MDGA2: variants seen among roughly 807,000 people sequenced by gnomAD.
MDGA2 encodes MAM domain containing glycosylphosphatidylinositol anchor 2.
Under a neutral mutation model 117.8 loss-of-function variants are expected in MDGA2, and 40 were observed. That is an observed-to-expected ratio of 0.34 (90% CI 0.26 to 0.44). The LOEUF is 0.44. Among genes scored for constraint, MDGA2 ranks in the 20% least tolerant of loss-of-function variants. The pLI is 1.00. For synonymous variants in MDGA2, 452 were observed against 439.0 expected (o/e 1.03, Z -0.37); for missense variants, 1,123 against 1,250.6 (o/e 0.90, Z 1.54).
chr14:46,980,465 G>T (rs1886628702), intron 8 of MDGA2, among the ~76,000 whole-genome samples: 1 of 152,124 alleles, frequency 6.6e-6, no homozygotes, highest in Non-Finnish European at 1.5e-5. Context: ...TTACCACGAA[G>T]GATTTAGAAC....
chr14:47,518,075 A>C (rs1894792211), intron 1 of MDGA2, among the ~76,000 whole-genome samples: 1 of 152,124 alleles, frequency 6.6e-6, no homozygotes, highest in Non-Finnish European at 1.5e-5. Flanking sequence ...CTGGAGCAGT[A>C]AAGAGTGAAG....
chr14:47,000,372 TATATTTATATATATATATTTATATATAA>T (rs1185397440), intron 8 of MDGA2, among the ~76,000 whole-genome samples: 27 of 90,316 alleles, frequency 3.0e-4, no homozygotes, highest in African/African-American at 1.3e-3. Flanking sequence ...TATGTATATA[TATATTTATATATATATATTTATATATAA>T]ATATATATTT....
Position 46,938,288 on chromosome 14 carries a change from C to T in MDGA2, c.2090-18128G>A, listed in dbSNP as rs150184912. Among the ~76,000 whole-genome samples the T allele has an allele frequency of 5.3e-3, 805 of 151,926 alleles. 13 individuals carry two copies. The highest frequency in any genetic ancestry group is 0.019 in the African/African-American group (780 of 41,452). On this transcript the variant is annotated intron_variant, in intron 9 of 16. Transcript: ENST00000399232. ...GCATGGTGGCTCATGCCTGTAATCCCAGCACTTTGGGAGGCCTAGGTGGGT... is the reference window on the plus strand; with the variant it reads ...GCATGGTGGCTCATGCCTGTAATCCTAGCACTTTGGGAGGCCTAGGTGGGT...
chr14:46,994,241 C>A (rs1481638510), intron 8 of MDGA2, among the ~76,000 whole-genome samples: 1 of 152,136 alleles, frequency 6.6e-6, no homozygotes, highest in Non-Finnish European at 1.5e-5. Flanking sequence ...CGGAACCCTA[C>A]CAAGCTCTGC....
At chr14:47,420,835 A>AATG (rs1457428960) in intron 1 of MDGA2, among the ~76,000 whole-genome samples, 2 of 151,710 alleles carry the variant, frequency 1.3e-5, no homozygotes, top group African/African-American at 4.8e-5. Context: ...GTAAGTTAAT[A>AATG]ATAATAATAA....
intron 2 of MDGA2, among the ~76,000 whole-genome samples, chr14:47,277,123 T>G (rs78837181): frequency 6.6e-6 from 1 of 152,146 alleles, no homozygotes; most frequent in African/African-American, 2.4e-5. Flanking sequence ...ATTCTCTCAG[T>G]GCCTTTGCCT....
rs575902151 is a variant in MDGA2, at chr14:47,656,893, C to T, written c.280+17624G>A. 3.3e-5 allele frequency among the ~76,000 whole-genome samples: 5 copies of T among 152,264 alleles called. No homozygotes were observed. In the East Asian group the frequency reaches 9.7e-4, roughly 29 times the overall value. ...TTTCAACCTGGGTGGACCTTTGTCTCTGCCTCAAACTATAGAGCGTCACGG... is the reference window on the plus strand; with the variant it reads ...TTTCAACCTGGGTGGACCTTTGTCTTTGCCTCAAACTATAGAGCGTCACGG... On this transcript the variant is annotated intron_variant, in intron 1 of 16. Coordinates refer to ENST00000399232, the MANE Select transcript of MDGA2 (RefSeq NM_001113498.3).
intron 5 of MDGA2, 24 bp from the exon 6 acceptor site, chr14:47,097,147 G>A (rs752461721): frequency 2.0e-5 from 32 of 1,603,518 alleles, no homozygotes; most frequent in Admixed American, 5.0e-5. Flanking sequence ...ACAGAAGAAC[G>A]TGCACCTATT....
At chr14:47,513,700 G>A (rs1894692018) in intron 1 of MDGA2, among the ~76,000 whole-genome samples, 1 of 152,036 alleles carries the variant, frequency 6.6e-6, no homozygotes, top group Admixed American at 6.6e-5. Context: ...GATAGCTGGA[G>A]AGTGAAATTT....
intron 8 of MDGA2, among the ~76,000 whole-genome samples, chr14:46,975,049 A>G (rs1418706473): frequency 1.3e-5 from 2 of 152,150 alleles, no homozygotes; most frequent in East Asian, 1.9e-4. Flanking sequence ...ACTTGAACAG[A>G]TATTTCTCCA....
At chr14:47,224,506 C>T (rs972371247) in intron 2 of MDGA2, among the ~76,000 whole-genome samples, 1 of 152,158 alleles carries the variant, frequency 6.6e-6, no homozygotes, top group African/African-American at 2.4e-5. Flanking sequence ...TAGGTTGCCC[C>T]ATTTAATTAA....
intron 3 of MDGA2, chr14:47,200,801 A>T (rs1885474867): frequency 6.2e-6 from 5 of 807,112 alleles, no homozygotes; most frequent in African/African-American, 5.0e-5. Flanking sequence ...TGCAGGCTTC[A>T]AACGCACGAC....
At chr14:47,084,634 T>C (rs1006495681) in intron 6 of MDGA2, among the ~76,000 whole-genome samples, 2 of 152,184 alleles carry the variant, frequency 1.3e-5, no homozygotes, top group Non-Finnish European at 2.9e-5. Context: ...CCATTTGTGA[T>C]AGTATCAGGA....
intron 1 of MDGA2, among the ~76,000 whole-genome samples, chr14:47,467,141 G>A (rs1367688906): frequency 6.6e-6 from 1 of 151,970 alleles, no homozygotes; most frequent in Non-Finnish European, 1.5e-5. Flanking sequence ...AAAGATTTAT[G>A]ACAAATGCTT....
intron 1 of MDGA2, among the ~76,000 whole-genome samples, chr14:47,580,375 A>C (rs1896207661): frequency 6.6e-6 from 1 of 151,980 alleles, no homozygotes; most frequent in Non-Finnish European, 1.5e-5. Flanking sequence ...TCATGAGGGC[A>C]TTGCCCTTAT....
At chr14:47,299,362 T>A (rs1364908407) in intron 2 of MDGA2, 1 of 152,130 alleles carries the variant, frequency 6.6e-6, no homozygotes, top group East Asian at 1.9e-4. Context: ...TTTTAAAATA[T>A]AATTTGGAGT....
chr14:47,264,450 G>A (rs994181309), intron 2 of MDGA2, among the ~76,000 whole-genome samples: 1 of 152,020 alleles, frequency 6.6e-6, no homozygotes, highest in Admixed American at 6.6e-5. Context: ...TACTCAAAAA[G>A]GATACCTTTA....
intron 3 of MDGA2, among the ~76,000 whole-genome samples, chr14:47,172,199 G>C (rs1327995709): frequency 6.6e-6 from 1 of 152,168 alleles, no homozygotes; most frequent in Non-Finnish European, 1.5e-5. Context: ...TGCCTCTGTA[G>C]GCCCCGCCTC....
intron 7 of MDGA2, among the ~76,000 whole-genome samples, chr14:47,041,992 AATAAT>A (rs150565006): frequency 4.7e-4 from 71 of 152,188 alleles, no homozygotes; most frequent in African/African-American, 1.5e-3. Flanking sequence ...CTCAGTAATA[AATAAT>A]ATAATTTTCT....
Sources: gnomAD v4.1 joint callset for allele counts (sites outside exome capture counted in the v4.1 genomes callset) on GRCh38, gnomAD v4.1.1 for gene constraint, MANE v1.5 for transcripts, NCBI Gene and HGNC (gene_info 2026-07-23, HGNC 2026-07-21) for gene names.